Variants in GRID1 observed in about 807,000 individuals in gnomAD.
GRID1 encodes the protein glutamate ionotropic receptor delta type subunit 1.
A neutral mutation model predicts 98.0 loss-of-function variants in GRID1; 28 were observed. The observed-to-expected ratio is 0.29, with a 90% confidence interval of 0.21 to 0.39. The LOEUF (loss-of-function observed/expected upper bound fraction) is 0.39. Among genes scored for constraint, GRID1 ranks in the 10% least tolerant of loss-of-function variants. The pLI is 1.00. For missense variants in GRID1, 1,111 were observed against 1,340.5 expected, an observed-to-expected ratio of 0.83 and a Z score of 2.67; for synonymous variants, 553 against 538.5, an observed-to-expected ratio of 1.03 and a Z score of -0.37.
chr10:85,693,473 T>C (rs557613814), intron 12 of GRID1, among the ~76,000 whole-genome samples: 22 of 152,128 alleles, frequency 1.4e-4, no homozygotes, highest in Middle Eastern at 3.4e-3. Context: ...AAGTTAATAA[T>C]AAGGTATCAG....
At position 85,821,539 on chromosome 10, in the gene GRID1, A is replaced by AAAAAAAGCAAACAAAC. The variant is rs1842772563; in HGVS notation, c.1233+32956_1233+32957insGTTTGTTTGCTTTTTT. The stretch of plus-strand genomic sequence containing the variant: ...CTCAAAAAAAAAAAAAAAAAAAAAA[A>AAAAAAAGCAAACAAAC]AAAAAAGAAAACAGATCAATAGTTG... On this transcript the variant is annotated intron_variant, in intron 8 of 15. Transcript: ENST00000327946. 8.2e-4 allele frequency among the ~76,000 whole-genome samples: 80 copies of AAAAAAAGCAAACAAAC among 97,616 alleles called. 7 individuals are homozygous for AAAAAAAGCAAACAAAC. Among genetic ancestry groups the AAAAAAAGCAAACAAAC allele is most frequent in the African/African-American group, 2.7e-3 (70 of 25,934 alleles). The allele number at this position is 97,616 out of a possible 152,430, so 64.0% of individuals were successfully genotyped here. A position where few individuals can be genotyped will look rare whatever the true frequency, so the allele number is the denominator to read the frequency against.
chr10:85,635,554 G>A (rs981110729), intron 13 of GRID1, among the ~76,000 whole-genome samples: 2 of 152,154 alleles, frequency 1.3e-5, no homozygotes, highest in Non-Finnish European at 2.9e-5. Flanking sequence ...TTTGATTTTT[G>A]AAAGGTTAAG....
chr10:85,740,590 T>C (rs1841932748), intron 8 of GRID1, among the ~76,000 whole-genome samples: 1 of 152,102 alleles, frequency 6.6e-6, no homozygotes, highest in African/African-American at 2.4e-5. Context: ...TACTCATCCT[T>C]TCAATATCAT....
At chr10:85,939,519 T>C (rs1841970919) in intron 4 of GRID1, among the ~76,000 whole-genome samples, 1 of 152,108 alleles carries the variant, frequency 6.6e-6, no homozygotes, top group African/African-American at 2.4e-5. Context: ...CCACTCTCAT[T>C]CCTTGGCCCC....
chr10:86,223,692 T>C (rs2132031101), intron 2 of GRID1, among the ~76,000 whole-genome samples: 1 of 152,312 alleles, frequency 6.6e-6, no homozygotes, highest in East Asian at 1.9e-4. Flanking sequence ...CTCAAGCCCA[T>C]GGGAGTGGGC....
chr10:86,260,552 C>T (rs1847000684), intron 2 of GRID1, among the ~76,000 whole-genome samples: 1 of 152,192 alleles, frequency 6.6e-6, no homozygotes, highest in Non-Finnish European at 1.5e-5. Context: ...CAGACAGACA[C>T]AACTGGAATG....
chr10:85,896,860 A>G (rs1841300466), intron 5 of GRID1, among the ~76,000 whole-genome samples: 1 of 152,236 alleles, frequency 6.6e-6, no homozygotes, highest in Non-Finnish European at 1.5e-5. Context: ...AGATCTAGGT[A>G]TAAGGATGTT....
intron 8 of GRID1, among the ~76,000 whole-genome samples, chr10:85,773,014 A>C (rs12255848): frequency 3.9e-5 from 6 of 152,234 alleles, no homozygotes; most frequent in Non-Finnish European, 5.9e-5. Context: ...GGCAGAGACA[A>C]AACCAAAAAA....
chr10:85,907,237 A>G (rs1377044445), intron 5 of GRID1, among the ~76,000 whole-genome samples: 1 of 152,116 alleles, frequency 6.6e-6, no homozygotes, highest in Non-Finnish European at 1.5e-5. Context: ...TCAGTCTCCA[A>G]AGTAGCTGGG....
intron 2 of GRID1, among the ~76,000 whole-genome samples, chr10:86,324,515 G>A (rs917692373): frequency 1.3e-5 from 2 of 152,080 alleles, no homozygotes; most frequent in Non-Finnish European, 2.9e-5. Context: ...GATGCCAAAC[G>A]CCCTGTGGTG....
chr10:85,869,376 T>A (rs1382459214), intron 5 of GRID1, among the ~76,000 whole-genome samples, 196 bp from the exon 6 acceptor site: 7 of 152,192 alleles, frequency 4.6e-5, no homozygotes, highest in African/African-American at 1.4e-4. Context: ...ACAAGATTAG[T>A]CAACATTTTC....
intron 5 of GRID1, among the ~76,000 whole-genome samples, chr10:85,875,752 C>A (rs1288670040): frequency 6.6e-6 from 1 of 152,338 alleles, no homozygotes; most frequent in East Asian, 1.9e-4. Flanking sequence ...ATTATCCCAA[C>A]TAACACGCTA....
intron 4 of GRID1, among the ~76,000 whole-genome samples, chr10:85,954,507 C>A (rs556554605): frequency 1.1e-4 from 16 of 151,650 alleles, no homozygotes; most frequent in Non-Finnish European, 1.2e-4. Context: ...TCCAGGCAAC[C>A]AAAAAAAGCC....
rs559113131 is a variant in GRID1 at position 85,883,160 on chromosome 10, T to A, written c.781-13980A>T. The stretch of plus-strand genomic sequence containing the variant: ...GGCCTCATTCTAAACAATTTCTTCA[T>A]ATTTTCCAGTTCACTAATTCTTTCT... On this transcript the variant is annotated intron_variant, in intron 5 of 15. Coordinates refer to ENST00000327946, the MANE Select transcript of GRID1 (RefSeq NM_017551.3). 5.4e-4 allele frequency among the ~76,000 whole-genome samples: 82 copies of A among 152,304 alleles called. 1 individual carries two copies. In the South Asian group the frequency reaches 0.017, roughly 31 times the overall value.
intron 15 of GRID1, among the ~76,000 whole-genome samples, chr10:85,609,888 A>C (rs1842714539): frequency 6.6e-6 from 1 of 152,210 alleles, no homozygotes; most frequent in Non-Finnish European, 1.5e-5. Context: ...TCTTTACTGC[A>C]TCCATGGAGT....
intron 13 of GRID1, chr10:85,646,976 G>T: frequency 1.8e-6 from 1 of 570,670 alleles, no homozygotes; most frequent in Non-Finnish European, 3.1e-6. Context: ...GGCTTAATCT[G>T]CCTGCTCCTC....
intron 2 of GRID1, among the ~76,000 whole-genome samples, chr10:86,337,810 T>C (rs10788492): frequency 0.96 from 143,707 of 150,356 alleles, 68,776 homozygotes; most frequent in East Asian, 1. Context: ...CAGGTTCAAG[T>C]GATTCTCCTG....
rs770693495 is a variant in GRID1, at chr10:85,821,539, A to AAAAAAAAAAAAAAAAAAGCAAACAAAC, written c.1233+32956_1233+32957insGTTTGTTTGCTTTTTTTTTTTTTTTTT. Among the ~76,000 whole-genome samples, 31 of 97,624 alleles carry AAAAAAAAAAAAAAAAAAGCAAACAAAC rather than the reference A, an allele frequency of 3.2e-4. 3 individuals carry two copies. Among genetic ancestry groups the AAAAAAAAAAAAAAAAAAGCAAACAAAC allele is most frequent in the Middle Eastern group, 6.2e-3 (1 of 162 alleles). The allele number at this position is 97,624 out of a possible 152,430, so 64.0% of individuals were successfully genotyped here. A position where few individuals can be genotyped will look rare whatever the true frequency, so the allele number is the denominator to read the frequency against. ...CTCAAAAAAAAAAAAAAAAAAAAAA[A>AAAAAAAAAAAAAAAAAAGCAAACAAAC]AAAAAAGAAAACAGATCAATAGTTG... On this transcript the variant is annotated intron_variant, in intron 8 of 15. Transcript: ENST00000327946.
chr10:85,938,028 A>G (rs1303659234), intron 4 of GRID1, among the ~76,000 whole-genome samples: 1 of 152,186 alleles, frequency 6.6e-6, no homozygotes, highest in East Asian at 1.9e-4. Flanking sequence ...TCCCAGATTT[A>G]TTAGCTATCT....
Sources: allele counts gnomAD v4.1 joint callset (sites outside exome capture counted in the v4.1 genomes callset), GRCh38; gene constraint gnomAD v4.1.1; transcripts MANE v1.5; gene names NCBI Gene and HGNC (gene_info 2026-07-23, HGNC 2026-07-21).